The following TRIP12 variants were observed in gnomAD, a reference collection of about 807,000 sequenced individuals.
TRIP12 encodes thyroid hormone receptor interactor 12, also known as E3 ubiquitin-protein ligase TRIP12.
In TRIP12, 25 loss-of-function variants were observed where a neutral mutation model predicts 244.2. The ratio of observed to expected loss-of-function variants is 0.10; its 90% CI spans 0.07 to 0.14. The LOEUF (loss-of-function observed/expected upper bound fraction) is 0.14. Among genes scored for constraint, TRIP12 ranks in the 10% least tolerant of loss-of-function variants. TRIP12 has a pLI of 1.00. For missense variants in TRIP12, 1,677 were observed against 2,486.4 expected, an observed-to-expected ratio of 0.67 and a Z score of 6.92; for synonymous variants, 905 against 873.1, an observed-to-expected ratio of 1.04 and a Z score of -0.64.
At chr2:229,922,658 C>A, upstream of TRIP12, 2 of 1,589,642 alleles carry the variant, frequency 1.3e-6, no homozygotes, top group Non-Finnish European at 1.7e-6. Context: ...CTACCTGGCC[C>A]GGTTGGGGCC....
At chr2:229,769,086 T>C (rs2033094302) in intron 40 of TRIP12, 145 bp downstream of exon 40, 3 of 643,842 alleles carry the variant, frequency 4.7e-6, no homozygotes, top group Non-Finnish European at 7.7e-6. Context: ...AAAACAGAAG[T>C]AAGCATCCAT....
chr2:229,811,848 A>G (rs902531074), intron 13 of TRIP12, among the ~76,000 whole-genome samples: 10 of 152,222 alleles, frequency 6.6e-5, no homozygotes, highest in Admixed American at 6.5e-5. Flanking sequence ...TGGAATTTTC[A>G]TATGTAAAAA....
intron 5 of TRIP12, among the ~76,000 whole-genome samples, chr2:229,838,074 G>C (rs1033540895): frequency 2.6e-5 from 4 of 152,118 alleles, no homozygotes; most frequent in Non-Finnish European, 5.9e-5. Flanking sequence ...TTAGACTAAA[G>C]TCACACTACA....
chr2:229,767,899 G>A (rs1157533830), intron 41 of TRIP12, 149 bp from the exon 42 acceptor site: 3 of 750,698 alleles, frequency 4.0e-6, no homozygotes, highest in African/African-American at 3.6e-5. Context: ...TTAAGTGCAA[G>A]GAACCTGCTT....
Position 229,805,716 on chromosome 2 carries a change from C to T in TRIP12, c.2650+14G>A. 1 of 1,560,174 alleles carries T rather than the reference C, an allele frequency of 6.4e-7. No individual in the cohort carries two copies. The highest frequency in any genetic ancestry group is 1.2e-5 in the South Asian group (1 of 85,482). On this transcript the variant is annotated intron_variant, in intron 18 of 41. Transcript: ENST00000675903. ...ACAATAGTATAGTGCTATTTTAACT[C>T]AGAATGTACTTACTAGTGTTACTAT... is the stretch of plus-strand genomic sequence containing the variant.
chr2:229,851,728 G>C (rs1006706534), intron 4 of TRIP12, among the ~76,000 whole-genome samples: 10 of 151,876 alleles, frequency 6.6e-5, no homozygotes, highest in African/African-American at 2.4e-4. Flanking sequence ...AACTCCAGAC[G>C]TGCTGCCTTA....
At chr2:229,774,385 G>A in intron 37 of TRIP12, 124 bp from the exon 38 acceptor site, 1 of 945,592 alleles carries the variant, frequency 1.1e-6, no homozygotes, top group Non-Finnish European at 1.5e-6. Flanking sequence ...TCAACTCTTA[G>A]CCTCTTTATT....
intron 1 of TRIP12, among the ~76,000 whole-genome samples, chr2:229,887,862 A>G (rs191642371): frequency 2.0e-5 from 3 of 152,358 alleles, no homozygotes; most frequent in African/African-American, 7.2e-5. Context: ...GGGTTCAGAC[A>G]TTAAAGTTAC....
At position 229,800,592 on chromosome 2, in the gene TRIP12, T is replaced by A. The variant is rs1311982848; in HGVS notation, c.3207-1209A>T. ...AAAATGTAATTAAACAATTTTCATT[T>A]AAAAAAAATTAACATGAATTTTTCA... On this transcript the variant is annotated intron_variant, in intron 21 of 41. Transcript: ENST00000675903. Among the ~76,000 whole-genome samples the A allele has an allele frequency of 2.6e-5, 4 of 152,250 alleles. No individual in the cohort carries two copies. In the East Asian group the frequency reaches 5.8e-4, roughly 22 times the overall value.
At chr2:229,823,637 C>CTT (rs2050703124) in intron 8 of TRIP12, among the ~76,000 whole-genome samples, 1 of 151,332 alleles carries the variant, frequency 6.6e-6, no homozygotes, top group African/African-American at 2.4e-5. Flanking sequence ...GATCGCGCCA[C>CTT]TGCACTCCAA....
intron 2 of TRIP12, among the ~76,000 whole-genome samples, chr2:229,864,026 G>A (rs1455919542): frequency 7.1e-6 from 1 of 141,492 alleles, no homozygotes; most frequent in Non-Finnish European, 1.5e-5. Flanking sequence ...GAGAGAGAGA[G>A]AGAGAGAGAG....
At chr2:229,807,977 T>A (rs901354007) in intron 16 of TRIP12, 113 bp from the exon 17 acceptor site, 3 of 1,196,060 alleles carry the variant, frequency 2.5e-6, no homozygotes, top group Admixed American at 2.7e-5. Flanking sequence ...GACCAATTTT[T>A]TTTTTGGAGA....
intron 39 of TRIP12, among the ~76,000 whole-genome samples, chr2:229,769,611 A>C (rs925473682): frequency 6.6e-6 from 1 of 152,102 alleles, no homozygotes; most frequent in African/African-American, 2.4e-5. Context: ...CCTTGATTTC[A>C]GTTTTCCTTT....
Position 229,797,927 on chromosome 2 carries a change from C to G in TRIP12, c.3483-96G>C, listed in dbSNP as rs764246932. 27 of 1,285,752 alleles carry G rather than the reference C, an allele frequency of 2.1e-5. 1 individual carries two copies. The highest frequency in any genetic ancestry group is 2.9e-5 in the Non-Finnish European group (27 of 932,156). The allele number at this position is 1,285,752 out of a possible 1,614,324, so 79.6% of individuals were successfully genotyped here. On this transcript the variant is annotated intron_variant, in intron 23 of 41. Coordinates refer to ENST00000675903, the MANE Select transcript of TRIP12 (RefSeq NM_001348323.3). ...AATAGCTGCTACATTTAAAATTCAT[C>G]CTGGTCTATGCTTACAGTTTAAAAA...
chr2:229,832,853 T>G lies in TRIP12; in HGVS notation c.1271-2014A>C, dbSNP rs187155494. ...AAATGCTGTTAACGAATACTGTTAC[T>G]AGGTACAATAATAACTGAAATGGCT... On this transcript the variant is annotated intron_variant, in intron 6 of 41. Transcript: ENST00000675903. 3.0e-3 allele frequency among the ~76,000 whole-genome samples: 462 copies of G among 152,362 alleles called. 7 individuals are homozygous for G. Among genetic ancestry groups the G allele is most frequent in the South Asian group, 0.021 (100 of 4,830 alleles).
At chr2:229,799,099 GA>G (rs778576449) in intron 22 of TRIP12, 50 bp from the exon 23 acceptor site, 3 of 1,594,632 alleles carry the variant, frequency 1.9e-6, no homozygotes, top group Admixed American at 1.7e-5. Context: ...TTTAAGTGAT[GA>G]AAAACAACTG....
chr2:229,791,153 T>C lies in TRIP12; in HGVS notation c.4514A>G (p.Asn1505Ser), dbSNP rs770943319. Residue 1505 changes from asparagine (N) to serine (S), a missense_variant, in exon 30 of 42, where the codon AAT becomes AGT. By Grantham distance (46) the Asn-to-Ser change is conservative. Coordinates refer to ENST00000675903, the MANE Select transcript of TRIP12 (RefSeq NM_001348323.3). ...QTAPTKTSPR[N>S]AKKHDELWHD... The stretch of plus-strand genomic sequence containing the variant: ...CCATAACTCATCATGCTTTTTTGCA[T>C]TTCTAGGGGAAGTTTTCGTTGGAGC... 17 of 1,614,036 alleles carry C rather than the reference T, an allele frequency of 1.1e-5. No homozygotes were observed. Among genetic ancestry groups the C allele is most frequent in the East Asian group, 2.2e-5 (1 of 44,888 alleles).
intron 7 of TRIP12, among the ~76,000 whole-genome samples, chr2:229,830,495 C>T (rs2053057033): frequency 6.6e-6 from 1 of 152,142 alleles, no homozygotes; most frequent in Non-Finnish European, 1.5e-5. Flanking sequence ...AAACCAGCTA[C>T]ACATGCAACC....
chr2:229,819,122 C>G (rs2049300902), intron 8 of TRIP12, among the ~76,000 whole-genome samples: 2 of 151,270 alleles, frequency 1.3e-5, no homozygotes, highest in Admixed American at 1.3e-4. Flanking sequence ...ATTTCCTGCA[C>G]AGATGATGGC....
Sources: gnomAD v4.1 joint callset for allele counts (sites outside exome capture counted in the v4.1 genomes callset) on GRCh38, gnomAD v4.1.1 for gene constraint, MANE v1.5 for transcripts, NCBI Gene and HGNC (gene_info 2026-07-23, HGNC 2026-07-21) for gene names.